The following TRABD2B variants were observed in gnomAD, a reference collection of about 807,000 sequenced individuals.
TRABD2B encodes the protein TraB domain containing 2B, also known as metalloprotease TIKI2.
TRABD2B carries 14 observed loss-of-function variants against 40.1 expected under a neutral mutation model. The ratio of observed to expected loss-of-function variants is 0.35; its 90% CI spans 0.23 to 0.55. The LOEUF is 0.55. Ranked by LOEUF, TRABD2B falls within the 20% of genes least tolerant of loss-of-function variation. TRABD2B has a pLI of 0.90. For synonymous variants in TRABD2B, 263 were observed against 277.0 expected, an observed-to-expected ratio of 0.95 and a Z score of 0.50; for missense variants, 541 against 648.6, an observed-to-expected ratio of 0.83 and a Z score of 1.80.
chr1:47,872,511 G>A (rs1383984191), intron 2 of TRABD2B, among the ~76,000 whole-genome samples: 1 of 152,184 alleles, frequency 6.6e-6, no homozygotes, highest in Non-Finnish European at 1.5e-5. Context: ...CCCAGCCCAA[G>A]TATTGCCTTT....
intron 2 of TRABD2B, among the ~76,000 whole-genome samples, chr1:47,983,322 G>T (rs1271630312): frequency 1.3e-5 from 2 of 152,158 alleles, no homozygotes; most frequent in Non-Finnish European, 2.9e-5. Flanking sequence ...AGACACTGGG[G>T]TCTACCTGAG....
chr1:47,961,914 G>A (rs542476780), intron 2 of TRABD2B, among the ~76,000 whole-genome samples: 7 of 152,242 alleles, frequency 4.6e-5, no homozygotes, highest in South Asian at 4.1e-4. Context: ...ACATGCACAC[G>A]TATGTTTACT....
intron 2 of TRABD2B, among the ~76,000 whole-genome samples, chr1:47,828,240 C>G (rs1277087220): frequency 1.3e-5 from 2 of 152,172 alleles, no homozygotes; most frequent in Admixed American, 6.5e-5. Context: ...CCATGGGCAG[C>G]ACTGTCCCCC....
chr1:47,856,253 C>T (rs1214446433), intron 2 of TRABD2B, among the ~76,000 whole-genome samples: 2 of 152,230 alleles, frequency 1.3e-5, no homozygotes, highest in Non-Finnish European at 2.9e-5. Flanking sequence ...TGGAGTGCTT[C>T]CTGACCCTAC....
At chr1:47,982,424 A>T (rs1486940554) in intron 2 of TRABD2B, among the ~76,000 whole-genome samples, 1 of 152,166 alleles carries the variant, frequency 6.6e-6, no homozygotes, top group East Asian at 1.9e-4. Context: ...TACTGTTGTG[A>T]GCACCATTTT....
chr1:47,842,921 G>A (rs1209422637), intron 2 of TRABD2B, among the ~76,000 whole-genome samples: 3 of 152,196 alleles, frequency 2.0e-5, no homozygotes, highest in African/African-American at 7.2e-5. Context: ...CAGCTTCACT[G>A]GGATGGGGAT....
In TRABD2B at chr1:47,996,990, G is replaced by A. The variant is rs1380363208; in HGVS notation, c.-201C>T. ...GCCGGGCTCCGTCTGTTGGAAGAGG[G>A]AGACCCTCTAGGGCTGGGCCCCTCC... On this transcript the variant is annotated 5_prime_UTR_variant, in exon 1 of 7. Coordinates refer to ENST00000606738, the MANE Select transcript of TRABD2B (RefSeq NM_001194986.2). The surrounding 1 kb of genome is among the most constrained non-coding windows in gnomAD (Gnocchi z 4.6). 3.7e-6 allele frequency: 4 copies of A among 1,095,504 alleles called. No homozygotes were observed. Among genetic ancestry groups the A allele is most frequent in the Non-Finnish European group, 4.4e-6 (4 of 902,096 alleles). 67.9% of individuals were successfully genotyped at this position (1,095,504 alleles called of 1,614,324 possible). A position where few individuals can be genotyped will look rare whatever the true frequency, so the allele number is the denominator to read the frequency against.
chr1:47,938,052 G>T (rs1645137441), intron 2 of TRABD2B, among the ~76,000 whole-genome samples: 1 of 152,148 alleles, frequency 6.6e-6, no homozygotes, highest in Admixed American at 6.5e-5. Flanking sequence ...CGCAAATGGG[G>T]CCTAAATTAC....
intron 2 of TRABD2B, among the ~76,000 whole-genome samples, chr1:47,857,056 G>A (rs572866174): frequency 6.6e-6 from 1 of 152,208 alleles, no homozygotes. Context: ...CACTGCCTTC[G>A]GTCCTTGAGC....
At chr1:47,920,017 T>C (rs1380318323) in intron 2 of TRABD2B, among the ~76,000 whole-genome samples, 1 of 152,196 alleles carries the variant, frequency 6.6e-6, no homozygotes, top group African/African-American at 2.4e-5. Flanking sequence ...TGTACAGACT[T>C]TACACAGAAA....
chr1:47,885,660 T>C (rs1430950822), intron 2 of TRABD2B, among the ~76,000 whole-genome samples: 1 of 152,124 alleles, frequency 6.6e-6, no homozygotes, highest in Non-Finnish European at 1.5e-5. Context: ...ATGAGGGCCT[T>C]TCAAGTAGCT....
At chr1:47,789,540 C>G (rs963298888) in intron 4 of TRABD2B, among the ~76,000 whole-genome samples, 19 of 152,128 alleles carry the variant, frequency 1.2e-4, no homozygotes, top group African/African-American at 4.1e-4. Context: ...TTGTCCTGGT[C>G]AGTTCTTGTG....
chr1:47,962,254 C>G (rs538576543), intron 2 of TRABD2B, among the ~76,000 whole-genome samples: 2 of 151,960 alleles, frequency 1.3e-5, no homozygotes, highest in African/African-American at 4.8e-5. Context: ...AGGAGATATA[C>G]CTAATGTAAA....
At chr1:47,909,239 A>C (rs903859728) in intron 2 of TRABD2B, among the ~76,000 whole-genome samples, 13 of 152,344 alleles carry the variant, frequency 8.5e-5, no homozygotes, top group African/African-American at 3.1e-4. Flanking sequence ...CTGAGGCCGG[A>C]TAATTTATAA....
chr1:47,806,602 A>G (rs183783439), intron 2 of TRABD2B, among the ~76,000 whole-genome samples: 3 of 152,198 alleles, frequency 2.0e-5, no homozygotes, highest in African/African-American at 7.2e-5. Context: ...GCTCCAGAGC[A>G]TCCTCTGTGG....
intron 2 of TRABD2B, among the ~76,000 whole-genome samples, chr1:47,822,066 C>T (rs776269757): frequency 1.4e-4 from 21 of 152,100 alleles, no homozygotes; most frequent in Non-Finnish European, 1.0e-4. Context: ...CTAAAACACA[C>T]CACTGACATC....
intron 2 of TRABD2B, among the ~76,000 whole-genome samples, chr1:47,991,767 G>A (rs557024054): frequency 6.6e-5 from 10 of 152,168 alleles, no homozygotes; most frequent in East Asian, 3.9e-4. Context: ...GTAATGCTGC[G>A]AGGAAAGAAA....
rs936697210 is a variant in TRABD2B at position 47,787,818 on chromosome 1, G to A, written c.988+6768C>T. On this transcript the variant is annotated intron_variant, in intron 4 of 6. Coordinates refer to ENST00000606738, the MANE Select transcript of TRABD2B (RefSeq NM_001194986.2). ...CATTCATTCAACAAGTGGGTAATAC[G>A]CACCTTCTTAGTGCTCAGGGAGTGG... 2.8e-4 allele frequency among the ~76,000 whole-genome samples: 43 copies of A among 152,206 alleles called. 1 individual carries two copies. Among genetic ancestry groups the A allele is most frequent in the African/African-American group, 9.6e-4 (40 of 41,524 alleles).
At chr1:47,784,439 G>A (rs1262416101) in intron 4 of TRABD2B, among the ~76,000 whole-genome samples, 2 of 152,114 alleles carry the variant, frequency 1.3e-5, no homozygotes, top group Non-Finnish European at 2.9e-5. Flanking sequence ...GAGGAGGGGA[G>A]AACCAGATGT....
Sources: allele counts gnomAD v4.1 joint callset (sites outside exome capture counted in the v4.1 genomes callset), GRCh38; gene constraint gnomAD v4.1.1; non-coding constraint Gnocchi (gnomAD v3.1); transcripts MANE v1.5; gene names NCBI Gene and HGNC (gene_info 2026-07-23, HGNC 2026-07-21).